The following ST3GAL1 variants were observed in gnomAD, a reference collection of about 807,000 sequenced individuals.
ST3GAL1 encodes the protein CMP-N-acetylneuraminate-beta-galactosamide-alpha-2,3-sialyltransferase 1.
In ST3GAL1, 16 loss-of-function variants were observed where a neutral mutation model predicts 34.1. The observed-to-expected ratio is 0.47, with a 90% confidence interval of 0.32 to 0.71. The LOEUF (loss-of-function observed/expected upper bound fraction) is 0.71. ST3GAL1 is among the 30% of genes least tolerant of loss of function. The pLI, the probability that ST3GAL1 is intolerant of heterozygous loss-of-function variation, is 0.04. For synonymous variants in ST3GAL1, 191 were observed against 184.7 expected (o/e 1.03, Z -0.28); for missense variants, 353 against 447.4 (o/e 0.79, Z 1.90).
intron 3 of ST3GAL1, among the ~76,000 whole-genome samples, chr8:133,497,387 T>A (rs1327556318): frequency 1.3e-5 from 2 of 151,092 alleles, no homozygotes; most frequent in African/African-American, 4.9e-5. Context: ...GCAAAGAGGA[T>A]TAAGGACTAA....
intron 2 of ST3GAL1, among the ~76,000 whole-genome samples, chr8:133,538,670 C>A (rs1818378101): frequency 6.6e-6 from 1 of 152,198 alleles, no homozygotes; most frequent in Non-Finnish European, 1.5e-5. Context: ...GACATCCCAC[C>A]TTCACACCAA....
chr8:133,465,723 G>C, intron 6 of ST3GAL1, 171 bp downstream of exon 6: 2 of 635,480 alleles, frequency 3.1e-6, no homozygotes, highest in Non-Finnish European at 5.3e-6. Context: ...CAATGATGCA[G>C]AGATGGGGAA....
At chr8:133,518,365 AGCCTCC>A (rs1817705325) in intron 2 of ST3GAL1, among the ~76,000 whole-genome samples, 1 of 152,248 alleles carries the variant, frequency 6.6e-6, no homozygotes, top group Non-Finnish European at 1.5e-5. Flanking sequence ...CTGCAGCTGC[AGCCTCC>A]TGTAATTACC....
In ST3GAL1 at chr8:133,458,727, T is replaced by C. The variant is rs1815387777; in HGVS notation, c.*1037A>G. On this transcript the variant is annotated 3_prime_UTR_variant, in exon 10 of 10. Transcript: ENST00000522652. ...CTTTTGTTTCATTTCAGCCAATGCATGCTTTTCTTTCCCAAATACAAAGGC... is the reference window on the plus strand; with the variant it reads ...CTTTTGTTTCATTTCAGCCAATGCACGCTTTTCTTTCCCAAATACAAAGGC... The C allele has an allele frequency of 6.6e-6, 1 of 152,132 alleles. No homozygotes were observed. Among genetic ancestry groups the C allele is most frequent in the African/African-American group, 2.4e-5 (1 of 41,406 alleles). 9.4% of individuals were successfully genotyped at this position (152,132 alleles called of 1,614,324 possible).
intron 1 of ST3GAL1, among the ~76,000 whole-genome samples, chr8:133,552,209 TC>T (rs1446728355): frequency 1.3e-5 from 2 of 152,162 alleles, no homozygotes; most frequent in Non-Finnish European, 2.9e-5. Flanking sequence ...CAGGGCAGGC[TC>T]ATGAATGTGC....
At chr8:133,518,860 G>C (rs1293433224) in intron 2 of ST3GAL1, among the ~76,000 whole-genome samples, 1 of 152,222 alleles carries the variant, frequency 6.6e-6, no homozygotes, top group Non-Finnish European at 1.5e-5. Context: ...TAAGGCCCTT[G>C]GTTAAGGCCA....
intron 2 of ST3GAL1, among the ~76,000 whole-genome samples, chr8:133,514,356 C>CCT (rs1274924572): frequency 6.6e-6 from 1 of 152,176 alleles, no homozygotes; most frequent in Non-Finnish European, 1.5e-5. Flanking sequence ...TGCAGGAGCT[C>CCT]AGAATGGACC....
chr8:133,466,166 C>T lies in ST3GAL1; in HGVS notation c.307-76G>A. 6.8e-7 allele frequency: 1 copy of T among 1,477,274 alleles called. No individual in the cohort carries two copies. The allele number at this position is 1,477,274 out of a possible 1,614,324, so 91.5% of individuals were successfully genotyped here. A position where few individuals can be genotyped will look rare whatever the true frequency, so the allele number is the denominator to read the frequency against. On this transcript the variant is annotated intron_variant, in intron 5 of 9. Transcript: ENST00000522652. This position sits in a 1 kb window ranked among gnomAD's most constrained non-coding sequence, Gnocchi z 4.4. ...CCTGGCAGCAGAGCCCCTGAGCTAC[C>T]TGCTGTCGTTTACTGGGGCCCTCCT...
At chr8:133,516,404 T>C (rs535766146) in intron 2 of ST3GAL1, 1 of 152,162 alleles carries the variant, frequency 6.6e-6, no homozygotes. Flanking sequence ...TTCACTTCTT[T>C]ATAAATTACT....
chr8:133,463,366 G>A (rs1417812779), intron 8 of ST3GAL1, 48 bp downstream of exon 8: 1 of 1,606,608 alleles, frequency 6.2e-7, no homozygotes, highest in Non-Finnish European at 8.5e-7. Context: ...CAGAGCCTTA[G>A]ATGAGGAAGC....
At chr8:133,524,354 C>T (rs911968036) in intron 2 of ST3GAL1, among the ~76,000 whole-genome samples, 4 of 152,352 alleles carry the variant, frequency 2.6e-5, no homozygotes, top group Non-Finnish European at 5.9e-5. Flanking sequence ...AGAGACAGAG[C>T]TCTCAACAAC....
intron 3 of ST3GAL1, among the ~76,000 whole-genome samples, chr8:133,484,340 T>C (rs1007668015): frequency 2.6e-5 from 4 of 152,206 alleles, no homozygotes; most frequent in African/African-American, 9.7e-5. Flanking sequence ...ATTTAACAGA[T>C]GCTTAATACA....
chr8:133,549,832 C>A (rs1393809040), intron 1 of ST3GAL1, among the ~76,000 whole-genome samples: 5 of 152,120 alleles, frequency 3.3e-5, no homozygotes, highest in Non-Finnish European at 7.4e-5. Context: ...CATGGTGGTG[C>A]ATGCCTGTAA....
At chr8:133,463,523 C>T in intron 7 of ST3GAL1, 64 bp from the exon 8 acceptor site, 1 of 1,554,994 alleles carries the variant, frequency 6.4e-7, no homozygotes, top group Non-Finnish European at 8.9e-7. Flanking sequence ...CCTGGGCATG[C>T]AGCTCTGGGG....
chr8:133,513,148 C>A (rs1204783340), intron 2 of ST3GAL1, among the ~76,000 whole-genome samples: 1 of 152,238 alleles, frequency 6.6e-6, no homozygotes, highest in African/African-American at 2.4e-5. Flanking sequence ...AGAGGAGAGG[C>A]ACAGGATGAG....
Position 133,458,202 on chromosome 8 carries a change from T to C in ST3GAL1, c.*1562A>G, listed in dbSNP as rs1181505396. ...GTCCGAGGACTCCTACAAACCTCCCTTAAGCACCCCCACCTAATTTCCCAG... is the reference window on the plus strand; with the variant it reads ...GTCCGAGGACTCCTACAAACCTCCCCTAAGCACCCCCACCTAATTTCCCAG... On this transcript the variant is annotated 3_prime_UTR_variant, in exon 10 of 10. Coordinates refer to ENST00000522652, the MANE Select transcript of ST3GAL1 (RefSeq NM_173344.3). 5 of 152,176 alleles carry C rather than the reference T, an allele frequency of 3.3e-5. No individual in the cohort carries two copies. The highest frequency in any genetic ancestry group is 1.3e-4 in the Admixed American group (2 of 15,280). 9.4% of individuals were successfully genotyped at this position (152,176 alleles called of 1,614,324 possible).
chr8:133,544,854 TG>T (rs1238750122), intron 2 of ST3GAL1, among the ~76,000 whole-genome samples: 1 of 152,180 alleles, frequency 6.6e-6, no homozygotes. Context: ...AGAGAGTCCT[TG>T]CCAATAATCA....
intron 3 of ST3GAL1, among the ~76,000 whole-genome samples, chr8:133,494,584 A>C (rs112210646): frequency 0.018 from 2,770 of 152,208 alleles, 29 homozygotes; most frequent in Middle Eastern, 0.027. Context: ...ACCTACCTGA[A>C]GCCTCCAGTG....
intron 1 of ST3GAL1, among the ~76,000 whole-genome samples, chr8:133,555,065 A>T (rs1429333730): frequency 6.6e-6 from 1 of 152,028 alleles, no homozygotes; most frequent in Non-Finnish European, 1.5e-5. Flanking sequence ...GGCTGGGGAG[A>T]CAAGGGAATG....
Sources: allele counts gnomAD v4.1 joint callset (sites outside exome capture counted in the v4.1 genomes callset), GRCh38; gene constraint gnomAD v4.1.1; non-coding constraint Gnocchi (gnomAD v3.1); transcripts MANE v1.5; gene names NCBI Gene and HGNC (gene_info 2026-07-23, HGNC 2026-07-21).